Variants in FGFR2 observed in about 807,000 individuals in gnomAD.
FGFR2 encodes fibroblast growth factor receptor 2.
A neutral mutation model predicts 95.9 loss-of-function variants in FGFR2; 19 were observed. That is an observed-to-expected ratio of 0.20 (90% confidence interval 0.14 to 0.29). FGFR2 has a LOEUF of 0.29. Ranked by LOEUF, FGFR2 falls within the 10% of genes least tolerant of loss-of-function variation. FGFR2 has a pLI of 1.00. For synonymous variants in FGFR2, 392 were observed against 393.3 expected (o/e 1.00, Z 0.04); for missense variants, 707 against 1,056.9 (o/e 0.67, Z 4.59).
At chr10:121,533,117 G>A (rs190107880) in intron 6 of FGFR2, among the ~76,000 whole-genome samples, 170 of 152,318 alleles carry the variant, frequency 1.1e-3, no homozygotes, top group African/African-American at 3.7e-3. Flanking sequence ...GACCGGGCAC[G>A]GTGGCTCATG....
At position 121,508,025 on chromosome 10, in the gene FGFR2, G is replaced by C. The variant is rs1302880183; in HGVS notation, c.1288-4084C>G. ...ATTTACAACGCGTTAGTTATTACAG[G>C]TATCACTAGAAATGACTAAGTATAT... On this transcript the variant is annotated intron_variant, in intron 9 of 17. Coordinates refer to ENST00000358487, the MANE Select transcript of FGFR2 (RefSeq NM_000141.5). Among the ~76,000 whole-genome samples, 7 of 152,164 alleles carry C rather than the reference G, an allele frequency of 4.6e-5. No individual in the cohort carries two copies. In the East Asian group the frequency reaches 1.3e-3, roughly 29 times the overall value.
chr10:121,498,646 C>A (rs747735607), intron 11 of FGFR2, 41 bp from the exon 12 acceptor site: 1 of 1,536,158 alleles, frequency 6.5e-7, no homozygotes, highest in Admixed American at 1.7e-5. Context: ...TTCATTTCCT[C>A]TAACTCATGG....
intron 6 of FGFR2, among the ~76,000 whole-genome samples, chr10:121,525,580 G>A (rs369247164): frequency 2.2e-4 from 34 of 151,786 alleles, no homozygotes; most frequent in East Asian, 1.8e-3. Context: ...AAAGACTGCA[G>A]CAGGAAAGCA....
At position 121,478,557 on chromosome 10, in the gene FGFR2, A is replaced by G. The variant is rs1844296643; in HGVS notation, c.*1300T>C. 4.3e-6 allele frequency: 1 copy of G among 233,198 alleles called. No individual in the cohort carries two copies. The highest frequency in any genetic ancestry group is 5.6e-5 in the Admixed American group (1 of 17,768). 14.4% of individuals were successfully genotyped at this position (233,198 alleles called of 1,614,324 possible). A position where few individuals can be genotyped will look rare whatever the true frequency, so the allele number is the denominator to read the frequency against. On this transcript the variant is annotated 3_prime_UTR_variant, in exon 18 of 18. Transcript: ENST00000358487. ...CTTTAGTACAGAAGGAACAACGGCG[A>G]TATTTTGTCTGATGTAGGTATGAGG...
chr10:121,572,139 T>G (rs1332277155), intron 2 of FGFR2, among the ~76,000 whole-genome samples: 10 of 106,214 alleles, frequency 9.4e-5, no homozygotes, highest in Admixed American at 4.8e-4. Flanking sequence ...CATAGTAAGA[T>G]CCTCTCTCCA....
chr10:121,514,989 C>A, intron 9 of FGFR2, 128 bp downstream of exon 9: 1 of 878,996 alleles, frequency 1.1e-6, no homozygotes, highest in South Asian at 1.6e-5. Flanking sequence ...GACCGCCAAG[C>A]ATCACACCAG....
intron 6 of FGFR2, among the ~76,000 whole-genome samples, chr10:121,528,229 C>A (rs1425186276): frequency 4.6e-5 from 7 of 152,176 alleles, no homozygotes; most frequent in Non-Finnish European, 7.3e-5. Flanking sequence ...AGTTAACCAA[C>A]CTTTACAAAT....
At chr10:121,534,837 G>A (rs775017764) in intron 6 of FGFR2, among the ~76,000 whole-genome samples, 8 of 152,208 alleles carry the variant, frequency 5.3e-5, no homozygotes, top group Admixed American at 1.3e-4. Context: ...CTGCCAGCCT[G>A]ATGTTTTCAT....
intron 5 of FGFR2, among the ~76,000 whole-genome samples, chr10:121,543,308 G>T (rs1854035552): frequency 6.6e-6 from 1 of 152,150 alleles, no homozygotes. Flanking sequence ...ACAGGAGTTC[G>T]AGGCCAGCCT....
At chr10:121,480,091 G>A (rs2133689184) in intron 17 of FGFR2, 70 bp from the exon 18 acceptor site, 1 of 1,378,648 alleles carries the variant, frequency 7.3e-7, no homozygotes, top group Non-Finnish European at 1.0e-6. Context: ...CGGTTCGAGA[G>A]GCTGACTGAG....
chr10:121,493,204 G>C (rs1036759285), intron 13 of FGFR2, among the ~76,000 whole-genome samples: 1 of 152,148 alleles, frequency 6.6e-6, no homozygotes, highest in Non-Finnish European at 1.5e-5. Context: ...CACGGTGCCT[G>C]GAAGATGGTT....
rs2135110683 is a variant in FGFR2, at chr10:121,565,464, G to C, written c.350C>G (p.Thr117Ser). The stretch of plus-strand genomic sequence containing the variant: ...TGTGACATTCACCATGAAGTACCAA[G>C]TTTCACTGTCTACAGTCCTACTGGC... ...CTASRTVDSE[T>S]WYFMVNVTDA... The change falls in exon 3 of 18, where the codon ACT (threonine) becomes AGT (serine). Residue 117 changes from threonine to serine, a missense_variant. By Grantham distance (58) the Thr-to-Ser change is moderately conservative. Coordinates refer to ENST00000358487, the MANE Select transcript of FGFR2 (RefSeq NM_000141.5). 1.2e-6 allele frequency: 2 copies of C among 1,614,180 alleles called. No homozygotes were observed. The highest frequency in any genetic ancestry group is 1.7e-6 in the Non-Finnish European group (2 of 1,180,038).
At chr10:121,512,960 C>G (rs1849249943) in intron 9 of FGFR2, among the ~76,000 whole-genome samples, 1 of 152,096 alleles carries the variant, frequency 6.6e-6, no homozygotes, top group African/African-American at 2.4e-5. Context: ...ACCTCCACCT[C>G]CCAGGTTCAA....
chr10:121,557,013 A>G (rs1297081351), intron 4 of FGFR2, among the ~76,000 whole-genome samples: 3 of 152,214 alleles, frequency 2.0e-5, no homozygotes, highest in South Asian at 4.1e-4. Context: ...GAGTGAGGAT[A>G]TGATTATGAG....
chr10:121,478,428 T>G lies in FGFR2; in HGVS notation c.*1429A>C, dbSNP rs895827356. 1 of 233,394 alleles carries G rather than the reference T, an allele frequency of 4.3e-6. No homozygotes were observed. The highest frequency in any genetic ancestry group is 2.2e-5 in the African/African-American group (1 of 45,332). 14.5% of individuals were successfully genotyped at this position (233,394 alleles called of 1,614,324 possible). ...CAGTATAAAAATTAACAGGTTTTAT[T>G]AAATACTTTCTCCAATTTTGTAACA... On this transcript the variant is annotated 3_prime_UTR_variant, in exon 18 of 18. Transcript: ENST00000358487.
intron 2 of FGFR2, among the ~76,000 whole-genome samples, chr10:121,589,441 T>G (rs1862301932): frequency 6.6e-6 from 1 of 152,248 alleles, no homozygotes; most frequent in Admixed American, 6.5e-5. Context: ...TTGCTGTGGT[T>G]TTGTGAATTC....
At chr10:121,566,380 G>A (rs1171916842) in intron 2 of FGFR2, among the ~76,000 whole-genome samples, 1 of 152,158 alleles carries the variant, frequency 6.6e-6, no homozygotes, top group Non-Finnish European at 1.5e-5. Flanking sequence ...AACAAAAAGA[G>A]CAAAATGCCC....
intron 5 of FGFR2, 105 bp from the exon 6 acceptor site, chr10:121,538,820 T>A (rs1305556536): frequency 1.5e-5 from 21 of 1,441,224 alleles, no homozygotes; most frequent in Non-Finnish European, 1.7e-5. Flanking sequence ...AAGAAAGGTA[T>A]GGAAGAATCA....
At chr10:121,596,661 A>T (rs2936871) in intron 1 of FGFR2, 150,272 of 202,310 alleles carry the variant, frequency 0.74, 57,712 homozygotes, top group Non-Finnish European at 0.84. Flanking sequence ...CTCAAAAAAC[A>T]CACACTGACC....
Sources: allele counts gnomAD v4.1 joint callset (sites outside exome capture counted in the v4.1 genomes callset), GRCh38; gene constraint gnomAD v4.1.1; transcripts MANE v1.5; gene names NCBI Gene and HGNC (gene_info 2026-07-23, HGNC 2026-07-21).